The following SS18 variants were observed in gnomAD, a reference collection of about 807,000 sequenced individuals.
SS18 encodes the protein protein SSXT.
Under a neutral mutation model 72.5 loss-of-function variants are expected in SS18, and 28 were observed. That is an observed-to-expected ratio of 0.39 (90% confidence interval 0.29 to 0.53). The LOEUF is 0.53. SS18 is among the 20% of genes least tolerant of loss of function. The pLI is 0.76. For synonymous variants in SS18, 172 were observed against 164.2 expected, an observed-to-expected ratio of 1.05 and a Z score of -0.37; for missense variants, 518 against 535.3, an observed-to-expected ratio of 0.97 and a Z score of 0.32.
At chr18:26,090,625 T>C (rs756334008), upstream of SS18, 20 of 1,521,644 alleles carry the variant, frequency 1.3e-5, no homozygotes, top group African/African-American at 1.4e-4. Context: ...AACGGCAAAC[T>C]GGGGGAGAGA....
chr18:26,090,442 G>A (rs1205715855), intron 1 of SS18, 59 bp downstream of exon 1: 2 of 1,512,768 alleles, frequency 1.3e-6, no homozygotes, highest in African/African-American at 1.4e-5. Context: ...CCTTCCCCCC[G>A]CGTCTGTCTC....
intron 3 of SS18, among the ~76,000 whole-genome samples, chr18:26,076,133 A>C (rs943620217): frequency 6.6e-6 from 1 of 151,912 alleles, no homozygotes; most frequent in Non-Finnish European, 1.5e-5. Context: ...AAAGATATCA[A>C]GTCTTCCCAA....
intron 5 of SS18, among the ~76,000 whole-genome samples, chr18:26,051,658 T>C (rs2053926308): frequency 6.6e-6 from 1 of 151,938 alleles, no homozygotes. Context: ...ATTGACCTAA[T>C]AAAAACAAAA....
intron 5 of SS18, 51 bp downstream of exon 5, chr18:26,052,573 T>C (rs1247203791): frequency 6.9e-7 from 1 of 1,454,566 alleles, no homozygotes; most frequent in Non-Finnish European, 9.6e-7. Flanking sequence ...CATTTTACTT[T>C]TCAAAGGCTA....
At chr18:26,087,377 G>A (rs1386274452) in intron 2 of SS18, 124 bp downstream of exon 2, 2 of 632,652 alleles carry the variant, frequency 3.2e-6, no homozygotes, top group Non-Finnish European at 5.6e-6. Context: ...ACATTGAATT[G>A]TACACATTAA....
intron 3 of SS18, among the ~76,000 whole-genome samples, chr18:26,073,078 T>A (rs762551380): frequency 1.3e-5 from 2 of 152,018 alleles, no homozygotes. Flanking sequence ...CTGTAAAAAC[T>A]GACCATATGC....
intron 5 of SS18, among the ~76,000 whole-genome samples, chr18:26,045,686 T>A (rs571298482): frequency 6.6e-6 from 1 of 152,252 alleles, no homozygotes; most frequent in South Asian, 2.1e-4. Flanking sequence ...GTGTTCACTT[T>A]GCATAGTAGG....
intron 5 of SS18, 118 bp downstream of exon 5, chr18:26,052,506 A>C: frequency 2.7e-6 from 2 of 739,354 alleles, no homozygotes; most frequent in East Asian, 5.2e-5. Flanking sequence ...TATGGGCATG[A>C]CTGTCACTCA....
intron 10 of SS18, among the ~76,000 whole-genome samples, chr18:26,031,576 T>C (rs2053542664): frequency 1.3e-5 from 2 of 152,190 alleles, no homozygotes; most frequent in Admixed American, 1.3e-4. Context: ...TCCATAATAA[T>C]TCAGAGTATA....
intron 5 of SS18, among the ~76,000 whole-genome samples, chr18:26,042,967 T>A (rs915350531): frequency 1.3e-5 from 2 of 152,170 alleles, no homozygotes; most frequent in Non-Finnish European, 2.9e-5. Context: ...AATTGTATCA[T>A]TAATCTACAA....
At chr18:26,020,794 A>T (rs1387739579) in intron 10 of SS18, among the ~76,000 whole-genome samples, 1 of 152,198 alleles carries the variant, frequency 6.6e-6, no homozygotes, top group Non-Finnish European at 1.5e-5. Flanking sequence ...GAAAACAGTA[A>T]GATCTGAATA....
At chr18:26,031,736 G>C (rs1300891647) in intron 10 of SS18, among the ~76,000 whole-genome samples, 1 of 152,076 alleles carries the variant, frequency 6.6e-6, no homozygotes, top group East Asian at 1.9e-4. Context: ...GAATGACAGG[G>C]GAGAAATAAC....
intron 3 of SS18, among the ~76,000 whole-genome samples, chr18:26,060,893 C>T (rs892666270): frequency 1.4e-5 from 2 of 146,144 alleles, no homozygotes; most frequent in African/African-American, 2.5e-5. Context: ...GAGGTGGAGG[C>T]TGCAGTGAGC....
upstream of SS18, chr18:26,090,930 G>T (rs992946515): frequency 3.0e-6 from 1 of 337,104 alleles, no homozygotes; most frequent in African/African-American, 2.2e-5. Context: ...AGAAGGAGAG[G>T]CTGGGGCAGC....
intron 3 of SS18, among the ~76,000 whole-genome samples, chr18:26,077,592 G>A (rs549195323): frequency 1.3e-5 from 2 of 152,212 alleles, no homozygotes; most frequent in East Asian, 3.9e-4. Flanking sequence ...ATCGCTGCTC[G>A]GCCTTTTGGC....
chr18:26,030,565 T>C (rs2053526755), intron 10 of SS18, among the ~76,000 whole-genome samples: 1 of 152,216 alleles, frequency 6.6e-6, no homozygotes, highest in Non-Finnish European at 1.5e-5. Context: ...TGGCATATAA[T>C]GGTTGCTCAA....
chr18:26,085,694 GT>G (rs760528070), intron 2 of SS18, among the ~76,000 whole-genome samples: 4 of 152,210 alleles, frequency 2.6e-5, no homozygotes, highest in African/African-American at 4.8e-5. Context: ...AGATAAGACA[GT>G]GGCATGTAAA....
intron 1 of SS18, among the ~76,000 whole-genome samples, 153 bp from the exon 2 acceptor site, chr18:26,087,730 T>A (rs2054641582): frequency 6.6e-6 from 1 of 152,084 alleles, no homozygotes; most frequent in Non-Finnish European, 1.5e-5. Context: ...CTGCAAACAA[T>A]CATTACTATC....
At chr18:26,066,043 T>C (rs994709291) in intron 3 of SS18, among the ~76,000 whole-genome samples, 1 of 151,924 alleles carries the variant, frequency 6.6e-6, no homozygotes, top group South Asian at 2.1e-4. Context: ...ACTTTTTCCC[T>C]GAGCACCAGA....
Sources: allele counts gnomAD v4.1 joint callset (sites outside exome capture counted in the v4.1 genomes callset), GRCh38; gene constraint gnomAD v4.1.1; transcripts MANE v1.5; gene names NCBI Gene and HGNC (gene_info 2026-07-23, HGNC 2026-07-21).